ERICH5: variants seen among roughly 807,000 people sequenced by gnomAD.
ERICH5 encodes glutamate rich 5, also known as glutamate-rich protein 5.
A neutral mutation model predicts 28.0 loss-of-function variants in ERICH5; 24 were observed. That is an observed-to-expected ratio of 0.86 (90% confidence interval 0.62 to 1.21). The LOEUF is 1.21. Among genes scored for constraint, ERICH5 ranks in the 50% most tolerant of loss-of-function variants. The pLI, the probability that ERICH5 is intolerant of heterozygous loss-of-function variation, is 0.00. For synonymous variants in ERICH5, 163 were observed against 157.6 expected, an observed-to-expected ratio of 1.03 and a Z score of -0.25; for missense variants, 421 against 441.2, an observed-to-expected ratio of 0.95 and a Z score of 0.41.
chr8:98,084,405 G>A (rs1447009481), intron 1 of ERICH5, among the ~76,000 whole-genome samples: 1 of 151,890 alleles, frequency 6.6e-6, no homozygotes, highest in East Asian at 1.9e-4. Context: ...TTTTTGAGTC[G>A]AAGTCTCGCT....
At chr8:98,093,113 G>A (rs1815436726) in intron 2 of ERICH5, 108 bp from the exon 3 acceptor site, 1 of 706,864 alleles carries the variant, frequency 1.4e-6, no homozygotes, top group Non-Finnish European at 2.4e-6. Context: ...GAAACTTACT[G>A]CTTAGACCTG....
At chr8:98,083,007 G>A (rs73701236) in intron 1 of ERICH5, among the ~76,000 whole-genome samples, 2,342 of 152,244 alleles carry the variant, frequency 0.015, 48 homozygotes, top group African/African-American at 0.051. Context: ...TCAAACTTTC[G>A]CAAAGCTTTT....
chr8:98,087,155 C>T (rs1182511183), intron 1 of ERICH5, among the ~76,000 whole-genome samples: 1 of 151,962 alleles, frequency 6.6e-6, no homozygotes, highest in African/African-American at 2.4e-5. Flanking sequence ...TCAGCCTGGG[C>T]AACTCGAACC....
chr8:98,086,678 C>T (rs1416097011), intron 1 of ERICH5, among the ~76,000 whole-genome samples: 8 of 151,898 alleles, frequency 5.3e-5, no homozygotes, highest in South Asian at 2.1e-4. Flanking sequence ...GGGCCGGGTG[C>T]GGTGGCTCAC....
In ERICH5 at chr8:98,089,517, AG is replaced by A; in HGVS notation, c.502del (p.Asp168ThrfsTer18). The A allele has an allele frequency of 6.2e-7, 1 of 1,614,216 alleles. No homozygotes were observed. The highest frequency in any genetic ancestry group is 2.2e-5 in the East Asian group (1 of 44,890). ...KGQPLQAAVE[K>X]DSLRAVEVTE... is the part of the protein sequence containing the mutation. Reference sequence around the variant, plus strand: ...CAGCCTTTGCAGGCAGCAGTAGAGAAGGACTCTCTCAGAGCAGTGGAGGTCA... The same window carrying A: ...CAGCCTTTGCAGGCAGCAGTAGAGAAGACTCTCTCAGAGCAGTGGAGGTCA... On this transcript the variant is annotated frameshift_variant, in exon 2 of 3. Coordinates refer to ENST00000318528, the MANE Select transcript of ERICH5 (RefSeq NM_173549.3). LOFTEE classifies it high-confidence loss of function.
chr8:98,069,886 G>A (rs1034814605), intron 1 of ERICH5, among the ~76,000 whole-genome samples: 1 of 152,190 alleles, frequency 6.6e-6, no homozygotes, highest in Non-Finnish European at 1.5e-5. Context: ...CAGCCACATC[G>A]AAACATACAC....
chr8:98,082,355 A>G (rs945667611), intron 1 of ERICH5, among the ~76,000 whole-genome samples: 5 of 152,134 alleles, frequency 3.3e-5, no homozygotes, highest in Admixed American at 3.3e-4. Context: ...GGAAAGTTAC[A>G]TAAGAACTGG....
chr8:98,073,450 ATATATATATGT>A (rs1814966827), intron 1 of ERICH5, among the ~76,000 whole-genome samples: 4 of 13,996 alleles, frequency 2.9e-4, no homozygotes, highest in African/African-American at 1.9e-3. Flanking sequence ...ATATATATAT[ATATATATATGT>A]ATATATATAT....
At chr8:98,082,304 G>T in intron 1 of ERICH5, among the ~76,000 whole-genome samples, 1 of 152,126 alleles carries the variant, frequency 6.6e-6, no homozygotes, top group East Asian at 1.9e-4. Context: ...AAAAGTATAC[G>T]CTGTGGACAC....
intron 1 of ERICH5, among the ~76,000 whole-genome samples, chr8:98,076,297 G>A (rs948148750): frequency 3.3e-5 from 5 of 150,862 alleles, no homozygotes; most frequent in Admixed American, 1.3e-4. Context: ...CAAGTGATTC[G>A]CCCACCTTGG....
At chr8:98,073,476 A>C (rs1219685447) in intron 1 of ERICH5, among the ~76,000 whole-genome samples, 2 of 2,004 alleles carry the variant, frequency 1.0e-3, no homozygotes, top group Admixed American at 0.013. Flanking sequence ...ATATATATAT[A>C]TATATATATG....
intron 1 of ERICH5, among the ~76,000 whole-genome samples, chr8:98,076,971 A>T (rs1488793517): frequency 1.3e-5 from 2 of 152,154 alleles, no homozygotes; most frequent in African/African-American, 4.8e-5. Flanking sequence ...TTAGATAAAG[A>T]TGCTATAATG....
At chr8:98,077,169 T>C (rs1251876876) in intron 1 of ERICH5, among the ~76,000 whole-genome samples, 1 of 151,560 alleles carries the variant, frequency 6.6e-6, no homozygotes, top group Non-Finnish European at 1.5e-5. Flanking sequence ...CCCTATGGAG[T>C]TGTTGGAAAG....
At chr8:98,086,830 A>G (rs948682719) in intron 1 of ERICH5, among the ~76,000 whole-genome samples, 18 of 151,944 alleles carry the variant, frequency 1.2e-4, no homozygotes, top group African/African-American at 4.4e-4. Flanking sequence ...GGGTGCCTGT[A>G]GTCCCAGCTA....
Position 98,089,489 on chromosome 8 carries a change from G to A in ERICH5, c.472G>A (p.Gly158Ser), listed in dbSNP as rs867556143. 2.5e-6 allele frequency: 4 copies of A among 1,614,160 alleles called. No homozygotes were observed. Among genetic ancestry groups the A allele is most frequent in the Non-Finnish European group, 3.4e-6 (4 of 1,180,024 alleles). ...EAQPLGPEAK[G>S]QPLQAAVEKD... is the part of the protein sequence containing the mutation. ...TCAGCCTTTAGGACCAGAAGCCAAG[G>A]GTCAGCCTTTGCAGGCAGCAGTAGA... Residue 158 changes from glycine (G) to serine (S), a missense_variant, in exon 2 of 3, where the codon GGT (glycine) becomes AGT (serine). Physicochemically the swap from Gly to Ser is moderately conservative, Grantham distance 56. Transcript: ENST00000318528.
At chr8:98,092,026 T>TTCCTTCCTTCCTTCCTTC (rs1412455600) in intron 2 of ERICH5, among the ~76,000 whole-genome samples, 118 of 9,268 alleles carry the variant, frequency 0.013, 1 homozygote, top group Non-Finnish European at 0.012. Context: ...TTCCTTCCTT[T>TTCCTTCCTTCCTTCCTTC]CGAGACAAGA....
At chr8:98,085,474 T>A (rs1353759531) in intron 1 of ERICH5, among the ~76,000 whole-genome samples, 3 of 152,090 alleles carry the variant, frequency 2.0e-5, no homozygotes. Flanking sequence ...TTCCACAGAT[T>A]TTTTGACCTA....
At chr8:98,067,890 C>A (rs1392242669) in intron 1 of ERICH5, among the ~76,000 whole-genome samples, 1 of 152,218 alleles carries the variant, frequency 6.6e-6, no homozygotes, top group African/African-American at 2.4e-5. Context: ...AGGCATGAGC[C>A]ACCACGCGTG....
chr8:98,069,265 G>A (rs1814867881), intron 1 of ERICH5, among the ~76,000 whole-genome samples: 2 of 152,038 alleles, frequency 1.3e-5, no homozygotes, highest in South Asian at 4.1e-4. Context: ...TACATACATG[G>A]TTCAAAAATG....
Sources: gnomAD v4.1 joint callset for allele counts (sites outside exome capture counted in the v4.1 genomes callset) on GRCh38, gnomAD v4.1.1 for gene constraint, MANE v1.5 for transcripts, NCBI Gene and HGNC (gene_info 2026-07-23, HGNC 2026-07-21) for gene names.